Variants in DTWD2 observed in about 807,000 individuals in gnomAD.
The protein encoded by DTWD2 is tRNA-uridine aminocarboxypropyltransferase 2.
Under a neutral mutation model 31.8 loss-of-function variants are expected in DTWD2, and 39 were observed. That is an observed-to-expected ratio of 1.22 (90% CI 0.95 to 1.60). The LOEUF (loss-of-function observed/expected upper bound fraction) is 1.60. Among genes scored for constraint, DTWD2 ranks in the 40% most tolerant of loss-of-function variants. The pLI, the probability that DTWD2 is intolerant of heterozygous loss-of-function variation, is 0.00. For missense variants in DTWD2, 515 were observed against 381.5 expected, an observed-to-expected ratio of 1.35 and a Z score of -2.92; for synonymous variants, 180 against 142.8, an observed-to-expected ratio of 1.26 and a Z score of -1.86.
At chr5:118,916,905 A>C (rs1174967504) in intron 4 of DTWD2, among the ~76,000 whole-genome samples, 1 of 152,100 alleles carries the variant, frequency 6.6e-6, no homozygotes, top group Non-Finnish European at 1.5e-5. Flanking sequence ...ATCCAGAGGA[A>C]TACCTGCTTT....
intron 4 of DTWD2, among the ~76,000 whole-genome samples, chr5:118,915,761 C>G (rs1193202013): frequency 6.6e-6 from 1 of 152,160 alleles, no homozygotes; most frequent in African/African-American, 2.4e-5. Flanking sequence ...ACTAAGAATT[C>G]CATCTAGGTG....
intron 4 of DTWD2, among the ~76,000 whole-genome samples, chr5:118,896,319 C>T (rs978475549): frequency 6.6e-6 from 1 of 152,004 alleles, no homozygotes; most frequent in Non-Finnish European, 1.5e-5. Flanking sequence ...TTCATGCTTC[C>T]ATAGTTCTTC....
At chr5:118,913,255 A>G (rs570838668) in intron 4 of DTWD2, among the ~76,000 whole-genome samples, 190 of 151,948 alleles carry the variant, frequency 1.3e-3, no homozygotes, top group African/African-American at 4.4e-3. Flanking sequence ...AAGTACTCCA[A>G]CCTGGAGCTC....
intron 1 of DTWD2, among the ~76,000 whole-genome samples, chr5:118,952,213 G>A (rs909944665): frequency 6.6e-6 from 1 of 152,200 alleles, no homozygotes; most frequent in African/African-American, 2.4e-5. Flanking sequence ...AAGAGCAGGA[G>A]GACAGGGGAT....
At chr5:118,868,523 T>C (rs977196108) in intron 4 of DTWD2, among the ~76,000 whole-genome samples, 1 of 150,040 alleles carries the variant, frequency 6.7e-6, no homozygotes, top group African/African-American at 2.5e-5. Context: ...TAATAAGAGG[T>C]TAATATCCAG....
intron 5 of DTWD2, among the ~76,000 whole-genome samples, chr5:118,844,903 G>A (rs1350285690): frequency 2.0e-5 from 3 of 152,132 alleles, no homozygotes; most frequent in Non-Finnish European, 4.4e-5. Flanking sequence ...GCAGGCGAAG[G>A]CAGGTGGATC....
chr5:118,956,416 G>T (rs1754588386), intron 1 of DTWD2, among the ~76,000 whole-genome samples: 1 of 151,978 alleles, frequency 6.6e-6, no homozygotes. Context: ...TAAATACATG[G>T]GCTTCCTGTC....
At chr5:118,891,177 A>G (rs1018296224) in intron 4 of DTWD2, among the ~76,000 whole-genome samples, 1 of 152,116 alleles carries the variant, frequency 6.6e-6, no homozygotes, top group Non-Finnish European at 1.5e-5. Context: ...TTCAAAATCC[A>G]TAAGAAAATT....
At chr5:118,893,989 AT>A (rs1753029691) in intron 4 of DTWD2, among the ~76,000 whole-genome samples, 1 of 151,144 alleles carries the variant, frequency 6.6e-6, no homozygotes, top group Non-Finnish European at 1.5e-5. Context: ...AGAATAATAA[AT>A]TTGTGCTGCA....
chr5:118,955,863 T>A (rs1754573787), intron 1 of DTWD2, among the ~76,000 whole-genome samples: 1 of 151,994 alleles, frequency 6.6e-6, no homozygotes, highest in African/African-American at 2.4e-5. Context: ...AAATATCACA[T>A]AACTATATAT....
At chr5:118,982,775 G>A (rs372230207) in intron 1 of DTWD2, among the ~76,000 whole-genome samples, 24 of 141,724 alleles carry the variant, frequency 1.7e-4, no homozygotes, top group East Asian at 6.4e-4. Flanking sequence ...TGCAACCTCC[G>A]CCTCCCAAGT....
At chr5:118,849,370 G>A (rs967611786) in intron 4 of DTWD2, among the ~76,000 whole-genome samples, 1 of 152,088 alleles carries the variant, frequency 6.6e-6, no homozygotes, top group African/African-American at 2.4e-5. Flanking sequence ...AAAAAGTCAG[G>A]AAACAATATA....
intron 1 of DTWD2, among the ~76,000 whole-genome samples, chr5:118,980,358 C>T (rs1755273372): frequency 6.6e-6 from 1 of 152,138 alleles, no homozygotes; most frequent in African/African-American, 2.4e-5. Flanking sequence ...ACAAAAGAAA[C>T]AACACAAACA....
At chr5:118,956,469 A>G (rs990524905) in intron 1 of DTWD2, among the ~76,000 whole-genome samples, 6 of 152,240 alleles carry the variant, frequency 3.9e-5, no homozygotes, top group Non-Finnish European at 8.8e-5. Context: ...CTGTAATACA[A>G]AGGTAATGTG....
intron 5 of DTWD2, among the ~76,000 whole-genome samples, chr5:118,845,113 C>T (rs1305227472): frequency 2.0e-5 from 3 of 151,870 alleles, no homozygotes; most frequent in Middle Eastern, 3.2e-3. Flanking sequence ...TGCCACTGCA[C>T]TCCAGCCTGG....
rs761111170 is a variant in DTWD2, at chr5:118,928,558, G to A, written c.576C>T (p.Ser192=). ...TTACCTGTTTGGGATGTCGGAACAA[G>A]GAGTTCTTATAGAAAATGTCCTTAG... The part of the protein sequence containing the change: ...SQAKDIFYKN[S]LFRHPKQVQL... The change falls in exon 4 of 6, where the codon TCC becomes TCT. Residue 192 remains serine, a synonymous_variant. Transcript: ENST00000510708. 1.3e-6 allele frequency: 2 copies of A among 1,517,958 alleles called. No individual in the cohort carries two copies. Among genetic ancestry groups the A allele is most frequent in the Admixed American group, 2.0e-5 (1 of 49,498 alleles). The allele number at this position is 1,517,958 out of a possible 1,614,324, so 94.0% of individuals were successfully genotyped here.
intron 1 of DTWD2, among the ~76,000 whole-genome samples, chr5:118,984,478 A>T (rs1018076793): frequency 6.6e-6 from 1 of 151,618 alleles, no homozygotes; most frequent in Non-Finnish European, 1.5e-5. Flanking sequence ...AAAAAAAAGC[A>T]GCAATCTAAA....
chr5:118,915,681 T>C lies in DTWD2; in HGVS notation c.597+12856A>G, dbSNP rs551882988. 1.6e-3 allele frequency among the ~76,000 whole-genome samples: 236 copies of C among 152,244 alleles called. 2 individuals are homozygous for C. Among genetic ancestry groups the C allele is most frequent in the African/African-American group, 5.5e-3 (227 of 41,558 alleles). On this transcript the variant is annotated intron_variant, in intron 4 of 5. Transcript: ENST00000510708. Reference sequence around the variant, plus strand: ...GAGCCACTACGCCCGGCCTAATCTTTGAAATTTAACTGAATCCAATTAAAC... The same window carrying C: ...GAGCCACTACGCCCGGCCTAATCTTCGAAATTTAACTGAATCCAATTAAAC...
chr5:118,857,924 C>T (rs913449362), intron 4 of DTWD2, among the ~76,000 whole-genome samples: 4 of 152,122 alleles, frequency 2.6e-5, no homozygotes, highest in South Asian at 4.1e-4. Context: ...CATCATCAAG[C>T]GACTACGCCT....
Sources: gnomAD v4.1 joint callset for allele counts (sites outside exome capture counted in the v4.1 genomes callset) on GRCh38, gnomAD v4.1.1 for gene constraint, MANE v1.5 for transcripts, NCBI Gene and HGNC (gene_info 2026-07-23, HGNC 2026-07-21) for gene names.